Variants in DIPK2B observed in about 807,000 individuals in gnomAD.
DIPK2B encodes UPF0672 protein CXorf36.
Under a neutral mutation model 22.2 loss-of-function variants are expected in DIPK2B, and 15 were observed. The observed-to-expected ratio is 0.68, with a 90% CI of 0.45 to 1.04. DIPK2B has a LOEUF of 1.04. DIPK2B is among the 50% of genes least tolerant of loss of function. The probability of loss-of-function intolerance (pLI) is 0.00; values close to 1 mark genes in which losing one functional copy is unlikely to be tolerated. For synonymous variants in DIPK2B, 163 were observed against 153.2 expected, an observed-to-expected ratio of 1.06 and a Z score of -0.47; for missense variants, 345 against 348.3, an observed-to-expected ratio of 0.99 and a Z score of 0.08.
chrX:45,177,817 G>A (rs1231511074), intron 2 of DIPK2B, among the ~76,000 whole-genome samples: 1 of 111,524 alleles, frequency 9.0e-6, no homozygotes, highest in African/African-American at 3.3e-5. Flanking sequence ...AAACTGTATA[G>A]AGTTGGCTCT....
chrX:45,180,998 C>G lies in DIPK2B; in HGVS notation c.498+10753G>C, dbSNP rs148665913. Among the ~76,000 whole-genome samples the G allele has an allele frequency of 5.4e-3, 606 of 111,752 alleles. 1 individual carries two copies. The highest frequency in any genetic ancestry group is 0.019 in the African/African-American group (574 of 30,843). On this transcript the variant is annotated intron_variant, in intron 2 of 4. Transcript: ENST00000398000. ...CATGGGTGACTGAAACTGTGGAAAG[C>G]AAAACCAGGGATAGAGGGACTACTA...
At chrX:45,184,956 T>A (rs773243104) in intron 2 of DIPK2B, among the ~76,000 whole-genome samples, 2 of 112,151 alleles carry the variant, frequency 1.8e-5, no homozygotes, top group Non-Finnish European at 1.9e-5. Flanking sequence ...ATAGTTAATG[T>A]CTGATGTGAT....
At chrX:45,195,407 G>A (rs2047234497) in intron 1 of DIPK2B, among the ~76,000 whole-genome samples, 1 of 111,651 alleles carries the variant, frequency 9.0e-6, no homozygotes, top group African/African-American at 3.3e-5. Context: ...ACATAGGGTG[G>A]GGGTGTAGAG....
chrX:45,188,911 C>A (rs1456915770), intron 2 of DIPK2B, among the ~76,000 whole-genome samples: 2 of 111,944 alleles, frequency 1.8e-5, no homozygotes, highest in Non-Finnish European at 3.8e-5. Flanking sequence ...TAGTATGTAT[C>A]AGCACTTAAT....
intron 2 of DIPK2B, among the ~76,000 whole-genome samples, chrX:45,161,445 G>A (rs766800716): frequency 5.2e-4 from 58 of 112,283 alleles, no homozygotes; most frequent in Non-Finnish European, 7.9e-4. Flanking sequence ...AGGAGGCTGA[G>A]GTAGGAGGAT....
intron 2 of DIPK2B, among the ~76,000 whole-genome samples, chrX:45,166,901 T>C (rs1173984884): frequency 8.9e-6 from 1 of 112,194 alleles, no homozygotes; most frequent in Non-Finnish European, 1.9e-5. Context: ...AGTGGACTTA[T>C]TGTTCTCAAG....
In DIPK2B at chrX:45,188,757, C is replaced by T. The variant is rs1603115402; in HGVS notation, c.498+2994G>A. On this transcript the variant is annotated intron_variant, in intron 2 of 4. Coordinates refer to ENST00000398000, the MANE Select transcript of DIPK2B (RefSeq NM_176819.4). Reference sequence around the variant, plus strand: ...GTCACTCCCAATTCTCCCCTCCCCTCAGCCCTTGGCAACCACTGATTTCCT... The same window carrying T: ...GTCACTCCCAATTCTCCCCTCCCCTTAGCCCTTGGCAACCACTGATTTCCT... 3.6e-5 allele frequency among the ~76,000 whole-genome samples: 4 copies of T among 111,903 alleles called. No individual in the cohort carries two copies. In the South Asian group the frequency reaches 1.5e-3, roughly 42 times the overall value.
At chrX:45,189,344 T>A (rs1004187111) in intron 2 of DIPK2B, among the ~76,000 whole-genome samples, 1 of 112,279 alleles carries the variant, frequency 8.9e-6, no homozygotes, top group Non-Finnish European at 1.9e-5. Context: ...CTGGGCATGG[T>A]GGCTCATGCC....
rs1465500957 is a variant in DIPK2B, at chrX:45,186,076, A to G, written c.498+5675T>C. 7.1e-5 allele frequency among the ~76,000 whole-genome samples: 8 copies of G among 112,294 alleles called. No homozygotes were observed. The Admixed American group carries it at 7.5e-4, about 11-fold the overall frequency. ...GACACAATGGAATTTGGAAATGAGC[A>G]GGTTAGTCTCTGACCCATTCCAAGT... On this transcript the variant is annotated intron_variant, in intron 2 of 4. Coordinates refer to ENST00000398000, the MANE Select transcript of DIPK2B (RefSeq NM_176819.4).
chrX:45,196,529 C>T (rs2047240196), intron 1 of DIPK2B, among the ~76,000 whole-genome samples: 1 of 111,163 alleles, frequency 9.0e-6, no homozygotes, highest in African/African-American at 3.3e-5. Context: ...GAGCCCTCCA[C>T]TGCTCAGTTG....
chrX:45,189,613 CAACA>C (rs36017892), intron 2 of DIPK2B, among the ~76,000 whole-genome samples: 13 of 106,388 alleles, frequency 1.2e-4, no homozygotes, highest in East Asian at 5.9e-4. Context: ...AACTCTGTCT[CAACA>C]AACAAACAAA....
chrX:45,166,539 G>A lies in DIPK2B; in HGVS notation c.499-8651C>T, dbSNP rs191770807. ...GGGAATGGCATGGAAGATAATGTGCGCGAACCTTGTCATAGCATTCACCAT... is the reference window on the plus strand; with the variant it reads ...GGGAATGGCATGGAAGATAATGTGCACGAACCTTGTCATAGCATTCACCAT... On this transcript the variant is annotated intron_variant, in intron 2 of 4. Transcript: ENST00000398000. Among the ~76,000 whole-genome samples the A allele has an allele frequency of 4.0e-3, 442 of 111,145 alleles. 2 individuals carry two copies. Among genetic ancestry groups the A allele is most frequent in the African/African-American group, 0.014 (427 of 30,514 alleles).
chrX:45,193,978 T>G (rs2047225485), intron 1 of DIPK2B, among the ~76,000 whole-genome samples: 1 of 111,108 alleles, frequency 9.0e-6, no homozygotes, highest in Admixed American at 9.6e-5. Flanking sequence ...GGTGGCTCTT[T>G]TAGATAACGA....
intron 3 of DIPK2B, 88 bp from the exon 4 acceptor site, chrX:45,154,286 TC>T: frequency 2.0e-6 from 1 of 510,390 alleles, no homozygotes; most frequent in Non-Finnish European, 3.0e-6. Context: ...TCCCTATCTA[TC>T]TATCTATCTA....
rs771759205 is a variant in DIPK2B at position 45,187,888 on chromosome X, AAC to A, written c.498+3861_498+3862del. Among the ~76,000 whole-genome samples the A allele has an allele frequency of 3.6e-5, 4 of 110,693 alleles. No homozygotes were observed. The East Asian group carries it at 1.1e-3, about 32-fold the overall frequency. On this transcript the variant is annotated intron_variant, in intron 2 of 4. Coordinates refer to ENST00000398000, the MANE Select transcript of DIPK2B (RefSeq NM_176819.4). Reference sequence around the variant, plus strand: ...CTTTTTCTTCCCCTAAACACACAGCAACACACACAAGCAGATATGCACAATTG... The same window carrying A: ...CTTTTTCTTCCCCTAAACACACAGCAACACACAAGCAGATATGCACAATTG...
chrX:45,184,847 A>C (rs2047173187), intron 2 of DIPK2B, among the ~76,000 whole-genome samples: 1 of 112,141 alleles, frequency 8.9e-6, no homozygotes, highest in Non-Finnish European at 1.9e-5. Context: ...AGTTTTCATC[A>C]TTGTTATTAT....
At chrX:45,176,022 C>T (rs2047116156) in intron 2 of DIPK2B, among the ~76,000 whole-genome samples, 1 of 109,547 alleles carries the variant, frequency 9.1e-6, no homozygotes, top group Non-Finnish European at 1.9e-5. Flanking sequence ...GAAGAATTCT[C>T]TGTACGTAGC....
In DIPK2B at chrX:45,150,819, G is replaced by C. The variant is rs983591324; in HGVS notation, c.*833C>G. 1.8e-5 allele frequency: 2 copies of C among 111,547 alleles called. No individual in the cohort carries two copies. The highest frequency in any genetic ancestry group is 3.8e-5 in the Non-Finnish European group (2 of 53,062). The allele number at this position is 111,547 out of a possible 1,213,427, so 9.2% of individuals were successfully genotyped here. On this transcript the variant is annotated 3_prime_UTR_variant, in exon 5 of 5. Coordinates refer to ENST00000398000, the MANE Select transcript of DIPK2B (RefSeq NM_176819.4). ...TTCACCGGGGCTCAGCTTGCAGCTC[G>C]ACTTACTGGTCCTCCCAATCTTCTC...
In DIPK2B at chrX:45,200,869, G is replaced by T. The variant is rs746633526; in HGVS notation, c.-43C>A. 1 of 1,071,753 alleles carries T rather than the reference G, an allele frequency of 9.3e-7. No individual in the cohort carries two copies. The highest frequency in any genetic ancestry group is 2.8e-5 in the Admixed American group (1 of 35,749). The allele number at this position is 1,071,753 out of a possible 1,213,427, so 88.3% of individuals were successfully genotyped here. The stretch of plus-strand genomic sequence containing the variant: ...AGCTGCAGCCTCTGGCTGTCCACTC[G>T]AGGCTGTACAGAGGCAGGGCTTGGC... On this transcript the variant is annotated 5_prime_UTR_variant, in exon 1 of 5. Coordinates refer to ENST00000398000, the MANE Select transcript of DIPK2B (RefSeq NM_176819.4).
Sources: gnomAD v4.1 joint callset for allele counts (sites outside exome capture counted in the v4.1 genomes callset) on GRCh38, gnomAD v4.1.1 for gene constraint, MANE v1.5 for transcripts, NCBI Gene and HGNC (gene_info 2026-07-23, HGNC 2026-07-21) for gene names.